RP1: variants seen among roughly 807,000 people sequenced by gnomAD.
RP1 encodes the protein RP1 axonemal microtubule associated.
Under a neutral mutation model 14.8 loss-of-function variants are expected in RP1, and 16 were observed. That is an observed-to-expected ratio of 1.08 (90% CI 0.73 to 1.65). RP1 has a LOEUF of 1.65. RP1 is among the 40% of genes most tolerant of loss of function. RP1 has a pLI of 0.00. For missense variants in RP1, 2,631 were observed against 2,535.0 expected (o/e 1.04, Z -0.81); for synonymous variants, 876 against 883.6 (o/e 0.99, Z 0.15).
intron 24 of RP1, among the ~76,000 whole-genome samples, chr8:54,790,029 C>T (rs1255618148): frequency 6.6e-6 from 1 of 152,110 alleles, no homozygotes; most frequent in African/African-American, 2.4e-5. Context: ...AGCCTATAGC[C>T]CTGCCTAATC....
At chr8:54,742,497 G>C (rs192112228) in intron 19 of RP1, among the ~76,000 whole-genome samples, 1 of 152,242 alleles carries the variant, frequency 6.6e-6, no homozygotes, top group Non-Finnish European at 1.5e-5. Context: ...TTCAGGAACA[G>C]GTAAATATGT....
intron 17 of RP1, among the ~76,000 whole-genome samples, chr8:54,734,237 G>A (rs1028079209): frequency 6.6e-6 from 1 of 152,054 alleles, no homozygotes; most frequent in African/African-American, 2.4e-5. Context: ...AAAATCTGTG[G>A]CCATGGGACA....
At chr8:54,793,547 C>A in intron 24 of RP1, among the ~76,000 whole-genome samples, 1 of 151,898 alleles carries the variant, frequency 6.6e-6, no homozygotes, top group Middle Eastern at 3.2e-3. Context: ...AATTGTGATA[C>A]ACTGTATTAA....
chr8:54,723,464 G>T (rs530611133), intron 16 of RP1, among the ~76,000 whole-genome samples: 2 of 152,200 alleles, frequency 1.3e-5, no homozygotes, highest in South Asian at 2.1e-4. Context: ...TATAATACAA[G>T]TCATTTATCC....
intron 1 of RP1, among the ~76,000 whole-genome samples, chr8:54,566,381 A>G (rs1379959485): frequency 6.6e-6 from 1 of 152,196 alleles, no homozygotes; most frequent in African/African-American, 2.4e-5. Context: ...GGTTGGTGAA[A>G]GTTAAAGTTT....
intron 1 of RP1, among the ~76,000 whole-genome samples, chr8:54,606,746 T>G (rs1342985478): frequency 1.3e-5 from 2 of 152,208 alleles, no homozygotes; most frequent in South Asian, 2.1e-4. Context: ...TTGTTTCTTT[T>G]TATTCTTTTT....
intron 26 of RP1, among the ~76,000 whole-genome samples, chr8:54,854,737 C>T (rs1448604170): frequency 1.1e-4 from 17 of 152,114 alleles, no homozygotes; most frequent in African/African-American, 2.9e-4. Context: ...TGGCGGCAGG[C>T]GCCTGTAGTC....
At chr8:54,778,693 G>T (rs909921882) in intron 23 of RP1, among the ~76,000 whole-genome samples, 5 of 152,108 alleles carry the variant, frequency 3.3e-5, no homozygotes, top group Admixed American at 2.0e-4. Flanking sequence ...AGAGGTGAAA[G>T]AGAGGACATT....
chr8:54,713,123 G>T (rs529204149), intron 15 of RP1, among the ~76,000 whole-genome samples: 1 of 152,042 alleles, frequency 6.6e-6, no homozygotes, highest in African/African-American at 2.4e-5. Context: ...AACATTAATG[G>T]TTCCAACATG....
At chr8:54,733,768 C>G (rs1808848405) in intron 17 of RP1, among the ~76,000 whole-genome samples, 1 of 152,132 alleles carries the variant, frequency 6.6e-6, no homozygotes, top group Non-Finnish European at 1.5e-5. Flanking sequence ...ACAACCCGTG[C>G]AGAGTAGCTT....
chr8:54,801,231 G>A (rs1374016943), intron 24 of RP1, among the ~76,000 whole-genome samples: 1 of 152,152 alleles, frequency 6.6e-6, no homozygotes, highest in Non-Finnish European at 1.5e-5. Context: ...TTTGTCTGTT[G>A]CAGCTCACAG....
At chr8:54,696,890 G>A (rs766707292) in intron 12 of RP1, 22 of 784,564 alleles carry the variant, frequency 2.8e-5, no homozygotes, top group African/African-American at 1.5e-4. Context: ...GAATAAGATC[G>A]TTCTTCTGAC....
intron 24 of RP1, among the ~76,000 whole-genome samples, chr8:54,789,172 C>T (rs998404686): frequency 5.9e-5 from 9 of 152,274 alleles, no homozygotes; most frequent in African/African-American, 1.4e-4. Context: ...CAGAACTTGG[C>T]GATAGCACTG....
At chr8:54,740,311 G>A (rs1224541311) in intron 19 of RP1, among the ~76,000 whole-genome samples, 1 of 148,116 alleles carries the variant, frequency 6.8e-6, no homozygotes, top group Non-Finnish European at 1.5e-5. Context: ...ATGTGGAGGT[G>A]TAAGGCAGTG....
chr8:54,741,701 G>A (rs1195158113), intron 19 of RP1, among the ~76,000 whole-genome samples: 1 of 88,142 alleles, frequency 1.1e-5, no homozygotes, highest in Non-Finnish European at 2.0e-5. Context: ...AAATACAAAT[G>A]TGTGTGTATA....
intron 28 of RP1, among the ~76,000 whole-genome samples, chr8:54,868,686 A>C (rs1217005519): frequency 1.3e-5 from 2 of 152,184 alleles, no homozygotes; most frequent in Non-Finnish European, 2.9e-5. Flanking sequence ...CCTGCACAAG[A>C]TATCAAGTTT....
In RP1 at chr8:54,628,780, A is replaced by G. The variant is rs779734647; in HGVS notation, c.4898A>G (p.Glu1633Gly). ...YNIGFVKRAI[E>G]KLYGKADIIK... ...ATAGGATTTGTTAAAAGGGCAATAG[A>G]AAAACTGTACGGTAAAGCAGATATT... The change falls in exon 4 of 4, where the codon GAA becomes GGA. Residue 1633 changes from glutamate (E) to glycine (G), a missense_variant. Transcript: ENST00000220676. 6.2e-7 allele frequency: 1 copy of G among 1,614,006 alleles called. No individual in the cohort carries two copies. Among genetic ancestry groups the G allele is most frequent in the Non-Finnish European group, 8.5e-7 (1 of 1,179,986 alleles).
intron 25 of RP1, among the ~76,000 whole-genome samples, chr8:54,841,788 C>T (rs1457249225): frequency 6.6e-6 from 1 of 152,120 alleles, no homozygotes; most frequent in South Asian, 2.1e-4. Context: ...TGACTCAGCT[C>T]GAGGCGGCCT....
chr8:54,563,524 TTGTG>T (rs10632655), intron 1 of RP1, among the ~76,000 whole-genome samples: 49 of 150,646 alleles, frequency 3.3e-4, no homozygotes, highest in African/African-American at 1.0e-3. Flanking sequence ...TTATTACTAT[TTGTG>T]TGTGTGTGTG....
Sources: allele counts gnomAD v4.1 joint callset (sites outside exome capture counted in the v4.1 genomes callset), GRCh38; gene constraint gnomAD v4.1.1; transcripts MANE v1.5; gene names NCBI Gene and HGNC (gene_info 2026-07-23, HGNC 2026-07-21).